GRM1: variants seen among roughly 807,000 people sequenced by gnomAD.
The protein encoded by GRM1 is metabotropic glutamate receptor 1.
In GRM1, 33 loss-of-function variants were observed where a neutral mutation model predicts 90.9. That is an observed-to-expected ratio of 0.36 (90% CI 0.28 to 0.49). The LOEUF (loss-of-function observed/expected upper bound fraction) is 0.49, where lower values mean the gene tolerates loss of function less well. GRM1 is among the 20% of genes least tolerant of loss of function. The pLI is 0.99. For synonymous variants in GRM1, 700 were observed against 613.2 expected (o/e 1.14, Z -2.09); for missense variants, 1,190 against 1,534.3 (o/e 0.78, Z 3.75).
chr6:146,246,627 A>G (rs1781068260), intron 2 of GRM1, among the ~76,000 whole-genome samples: 2 of 152,208 alleles, frequency 1.3e-5, no homozygotes, highest in Admixed American at 1.3e-4. Flanking sequence ...TCTGTTTCAT[A>G]TCTGCTATTT....
At chr6:146,332,241 G>T (rs528036913) in intron 3 of GRM1, among the ~76,000 whole-genome samples, 2 of 152,192 alleles carry the variant, frequency 1.3e-5, no homozygotes, top group East Asian at 3.9e-4. Flanking sequence ...ACACCCATTT[G>T]TTATATAACA....
At chr6:146,137,143 A>T (rs1051822514) in intron 1 of GRM1, among the ~76,000 whole-genome samples, 10 of 152,030 alleles carry the variant, frequency 6.6e-5, no homozygotes, top group African/African-American at 2.2e-4. Flanking sequence ...GTGAGCTACC[A>T]TGCCCGGCCG....
chr6:146,425,759 A>G (rs2284796), intron 7 of GRM1, among the ~76,000 whole-genome samples: 10,409 of 152,270 alleles, frequency 0.068, 739 homozygotes, highest in East Asian at 0.4. Flanking sequence ...CTTATGTGGC[A>G]TGACAGCCAG....
intron 2 of GRM1, among the ~76,000 whole-genome samples, chr6:146,288,811 A>G (rs1476233802): frequency 6.6e-6 from 1 of 152,020 alleles, no homozygotes; most frequent in East Asian, 1.9e-4. Flanking sequence ...GGGCCAGAAC[A>G]TTTTAGTCAA....
intron 6 of GRM1, among the ~76,000 whole-genome samples, chr6:146,397,092 G>A (rs1776968027): frequency 6.6e-6 from 1 of 152,084 alleles, no homozygotes; most frequent in Non-Finnish European, 1.5e-5. Context: ...AGCATCTCCT[G>A]GAATGTTATC....
chr6:146,084,886 G>A (rs1360470397), intron 1 of GRM1, among the ~76,000 whole-genome samples: 2 of 152,036 alleles, frequency 1.3e-5, no homozygotes, highest in South Asian at 4.1e-4. Context: ...CTCTCTGTAG[G>A]TCTCTAAGAA....
At position 146,077,586 on chromosome 6, in the gene GRM1, G is replaced by A. The variant is rs144713976; in HGVS notation, c.700+47369G>A. On this transcript the variant is annotated intron_variant, in intron 1 of 7. Transcript: ENST00000282753. ...TGTCAACAGATTTCTGCTGAACTTTGGAAAGGAAAAAAATAATAGCCAATT... is the reference window on the plus strand; with the variant it reads ...TGTCAACAGATTTCTGCTGAACTTTAGAAAGGAAAAAAATAATAGCCAATT... Among the ~76,000 whole-genome samples, 3 of 152,114 alleles carry A rather than the reference G, an allele frequency of 2.0e-5. No individual in the cohort carries two copies. The East Asian group carries it at 5.8e-4, about 29-fold the overall frequency.
At chr6:146,270,818 T>C (rs1033065886) in intron 2 of GRM1, among the ~76,000 whole-genome samples, 4 of 145,752 alleles carry the variant, frequency 2.7e-5, no homozygotes, top group South Asian at 4.2e-4. Context: ...TTCTTTTCTG[T>C]CTGCCTGCCT....
At chr6:146,294,385 T>C (rs1335623156) in intron 2 of GRM1, among the ~76,000 whole-genome samples, 4 of 152,008 alleles carry the variant, frequency 2.6e-5, no homozygotes, top group Non-Finnish European at 5.9e-5. Context: ...TGGAGGTAGA[T>C]GTGTTGGTTT....
At chr6:146,345,692 A>AGGT (rs1785164459) in intron 3 of GRM1, among the ~76,000 whole-genome samples, 1 of 151,972 alleles carries the variant, frequency 6.6e-6, no homozygotes, top group Non-Finnish European at 1.5e-5. Flanking sequence ...AAATAAATAG[A>AGGT]GGTGGTGCTA....
chr6:146,262,958 A>T (rs929721825), intron 2 of GRM1, among the ~76,000 whole-genome samples: 1 of 151,990 alleles, frequency 6.6e-6, no homozygotes, highest in Non-Finnish European at 1.5e-5. Context: ...AGCCATCCAT[A>T]TGGTATTTCT....
chr6:146,389,085 T>C (rs1776616323), intron 6 of GRM1, among the ~76,000 whole-genome samples: 1 of 152,062 alleles, frequency 6.6e-6, no homozygotes, highest in African/African-American at 2.4e-5. Flanking sequence ...TACTTCATGG[T>C]GTGTGCCTCC....
intron 1 of GRM1, among the ~76,000 whole-genome samples, chr6:146,052,890 G>A (rs932522): frequency 0.41 from 62,591 of 151,668 alleles, 13,204 homozygotes; most frequent in Middle Eastern, 0.51. Flanking sequence ...CTACTAACAG[G>A]ACACCGTCAT....
intron 3 of GRM1, among the ~76,000 whole-genome samples, chr6:146,325,777 A>G (rs556410424): frequency 3.3e-5 from 5 of 152,142 alleles, no homozygotes; most frequent in Non-Finnish European, 7.4e-5. Flanking sequence ...ATATCACTGA[A>G]GCTGAATATT....
At chr6:146,376,278 A>G (rs1219826617) in intron 5 of GRM1, among the ~76,000 whole-genome samples, 1 of 152,022 alleles carries the variant, frequency 6.6e-6, no homozygotes, top group Non-Finnish European at 1.5e-5. Context: ...TGATTGGTTC[A>G]TTATTTAGTT....
intron 1 of GRM1, among the ~76,000 whole-genome samples, chr6:146,157,922 T>G (rs944284006): frequency 3.3e-5 from 5 of 152,158 alleles, no homozygotes; most frequent in Non-Finnish European, 7.4e-5. Flanking sequence ...GGAATGGTTT[T>G]GGTAGTTTGG....
In GRM1 at chr6:146,399,034, C is replaced by A. The variant is rs765874818; in HGVS notation, c.1995C>A (p.Gly665=). The A allele has an allele frequency of 4.3e-6, 7 of 1,613,974 alleles. No individual in the cohort carries two copies. The South Asian group carries it at 6.6e-5, about 15-fold the overall frequency. Residue 665 remains glycine, a synonymous_variant, in exon 7 of 8, where the codon GGC becomes GGA. Coordinates refer to ENST00000282753, the MANE Select transcript of GRM1 (RefSeq NM_001278064.2). This position sits in a 1 kb window ranked among gnomAD's most constrained non-coding sequence, Gnocchi z 5.4. ...GCTACCTCCAGCGCCTCTTGGTTGG[C>A]CTCTCCTCTGCGATGTGCTACTCTG... is the stretch of plus-strand genomic sequence containing the variant. ...TSCYLQRLLV[G]LSSAMCYSAL...
chr6:146,332,489 G>A (rs745598097), intron 3 of GRM1, among the ~76,000 whole-genome samples: 1 of 152,114 alleles, frequency 6.6e-6, no homozygotes, highest in Non-Finnish European at 1.5e-5. Context: ...TGACCTCTCT[G>A]GCAACAATGG....
At chr6:146,262,841 C>CAT (rs201303660) in intron 2 of GRM1, among the ~76,000 whole-genome samples, 3,008 of 151,262 alleles carry the variant, frequency 0.02, 44 homozygotes, top group Admixed American at 0.028. Context: ...TAAATGTATA[C>CAT]ATATATATAT....
Sources: gnomAD v4.1 joint callset for allele counts (sites outside exome capture counted in the v4.1 genomes callset) on GRCh38, gnomAD v4.1.1 for gene constraint, Gnocchi (gnomAD v3.1) non-coding constraint, MANE v1.5 for transcripts, NCBI Gene and HGNC (gene_info 2026-07-23, HGNC 2026-07-21) for gene names.